Variants in COL19A1 observed in about 807,000 individuals in gnomAD.
The protein encoded by COL19A1 is collagen type XIX alpha 1 chain.
COL19A1 carries 159 observed loss-of-function variants against 190.2 expected under a neutral mutation model. That is an observed-to-expected ratio of 0.84 (90% CI 0.73 to 0.95). The LOEUF (loss-of-function observed/expected upper bound fraction) is 0.95, where lower values mean the gene tolerates loss of function less well. Among genes scored for constraint, COL19A1 ranks in the 40% least tolerant of loss-of-function variants. The pLI, the probability that COL19A1 is intolerant of heterozygous loss-of-function variation, is 0.00. For synonymous variants in COL19A1, 509 were observed against 458.9 expected, an observed-to-expected ratio of 1.11 and a Z score of -1.39; for missense variants, 1,418 against 1,431.9, an observed-to-expected ratio of 0.99 and a Z score of 0.16.
At chr6:70,119,198 C>T (rs1318100933) in intron 16 of COL19A1, among the ~76,000 whole-genome samples, 2 of 152,132 alleles carry the variant, frequency 1.3e-5, no homozygotes, top group Non-Finnish European at 2.9e-5. Flanking sequence ...CCTCTACAAA[C>T]AAAGATAGGA....
intron 9 of COL19A1, among the ~76,000 whole-genome samples, chr6:69,946,733 G>A (rs1363897511): frequency 4.6e-5 from 7 of 151,806 alleles, no homozygotes; most frequent in Admixed American, 3.3e-4. Context: ...TAATAAAGGT[G>A]AATTTGGTGC....
At chr6:69,900,369 A>G in intron 4 of COL19A1, 31 bp downstream of exon 4, 1 of 1,093,372 alleles carries the variant, frequency 9.1e-7, no homozygotes, top group Non-Finnish European at 1.3e-6. Context: ...TTTATGTTTA[A>G]TAATACTTCA....
chr6:69,995,243 A>G (rs1319040498), intron 11 of COL19A1, among the ~76,000 whole-genome samples: 3 of 152,138 alleles, frequency 2.0e-5, no homozygotes, highest in African/African-American at 7.2e-5. Context: ...TATAGAAGTT[A>G]TGGCAACAGT....
intron 11 of COL19A1, among the ~76,000 whole-genome samples, chr6:69,966,265 G>C (rs1296121660): frequency 5.9e-5 from 9 of 152,178 alleles, no homozygotes. Flanking sequence ...CCCCGTCTGG[G>C]AGGTGTACCC....
intron 34 of COL19A1, among the ~76,000 whole-genome samples, chr6:70,159,756 T>C (rs1372064097): frequency 6.6e-6 from 1 of 152,102 alleles, no homozygotes; most frequent in African/African-American, 2.4e-5. Context: ...TCATCTAATA[T>C]TTATAAAGTA....
chr6:69,874,834 G>A (rs1171879905), intron 1 of COL19A1, among the ~76,000 whole-genome samples: 2 of 152,066 alleles, frequency 1.3e-5, no homozygotes, highest in Non-Finnish European at 2.9e-5. Context: ...ATCTTGTAAT[G>A]CCTTAAGAAT....
At chr6:69,911,929 T>C (rs1388352442) in intron 4 of COL19A1, among the ~76,000 whole-genome samples, 1 of 152,240 alleles carries the variant, frequency 6.6e-6, no homozygotes, top group Non-Finnish European at 1.5e-5. Context: ...ACAATGTTAC[T>C]GTCCACTTTT....
chr6:70,082,074 A>T (rs1782290798), intron 15 of COL19A1, among the ~76,000 whole-genome samples: 1 of 152,202 alleles, frequency 6.6e-6, no homozygotes, highest in Non-Finnish European at 1.5e-5. Context: ...CAAATATTTA[A>T]CAAGTTTGAT....
chr6:70,078,386 C>T (rs552779485), intron 15 of COL19A1, among the ~76,000 whole-genome samples: 5 of 152,282 alleles, frequency 3.3e-5, no homozygotes, highest in African/African-American at 1.2e-4. Flanking sequence ...GGGAAGCAGA[C>T]AAGAGAAGAG....
intron 4 of COL19A1, among the ~76,000 whole-genome samples, chr6:69,902,097 G>A (rs149247385): frequency 1.3e-4 from 20 of 152,266 alleles, no homozygotes; most frequent in Admixed American, 5.2e-4. Flanking sequence ...ATAGGAAACC[G>A]GGGGTATCTG....
intron 49 of COL19A1, among the ~76,000 whole-genome samples, chr6:70,206,410 C>T (rs1299267724): frequency 6.6e-6 from 1 of 152,106 alleles, no homozygotes; most frequent in African/African-American, 2.4e-5. Context: ...GGGCAGATCA[C>T]CTGAGGTCAG....
intron 14 of COL19A1, among the ~76,000 whole-genome samples, chr6:70,058,941 G>A (rs927116975): frequency 6.6e-6 from 1 of 151,954 alleles, no homozygotes; most frequent in Non-Finnish European, 1.5e-5. Flanking sequence ...ATTTTCAAGA[G>A]AAGAAAGTGC....
At chr6:69,913,637 TGTG>T (rs1308828938) in intron 4 of COL19A1, among the ~76,000 whole-genome samples, 3 of 152,172 alleles carry the variant, frequency 2.0e-5, no homozygotes, top group African/African-American at 7.2e-5. Context: ...AGAAATCCCA[TGTG>T]GTTAATGAAC....
At chr6:70,172,109 G>C (rs560487867) in intron 41 of COL19A1, 92 bp downstream of exon 41, 1 of 1,125,598 alleles carries the variant, frequency 8.9e-7, no homozygotes, top group African/African-American at 1.6e-5. Context: ...TTAGGTTAGG[G>C]ATATATAAAG....
intron 42 of COL19A1, among the ~76,000 whole-genome samples, chr6:70,178,249 C>T (rs1400351581): frequency 2.0e-5 from 3 of 151,980 alleles, no homozygotes; most frequent in Admixed American, 6.6e-5. Flanking sequence ...ATTAGCTGGG[C>T]ACCTTTAGTC....
intron 4 of COL19A1, among the ~76,000 whole-genome samples, chr6:69,926,803 T>A (rs769005579): frequency 6.6e-6 from 1 of 152,070 alleles, no homozygotes; most frequent in South Asian, 2.1e-4. Context: ...CTGAAAGAGA[T>A]CCACACTTAG....
At chr6:70,133,040 C>T (rs573383180) in intron 18 of COL19A1, among the ~76,000 whole-genome samples, 47 of 152,312 alleles carry the variant, frequency 3.1e-4, no homozygotes, top group African/African-American at 1.1e-3. Context: ...TTTCCTTCCT[C>T]TCATGAGGTC....
At chr6:70,149,683 T>C in intron 27 of COL19A1, 21 bp from the exon 28 acceptor site, 1 of 1,611,692 alleles carries the variant, frequency 6.2e-7, no homozygotes, top group Non-Finnish European at 8.5e-7. Context: ...ATTTTAATAA[T>C]AAAATCTCAT....
intron 7 of COL19A1, among the ~76,000 whole-genome samples, chr6:69,933,147 A>G (rs1197105199): frequency 6.6e-6 from 1 of 152,112 alleles, no homozygotes; most frequent in Non-Finnish European, 1.5e-5. Flanking sequence ...TGACAGCAGC[A>G]TCATTTCCAG....
Sources: gnomAD v4.1 joint callset for allele counts (sites outside exome capture counted in the v4.1 genomes callset) on GRCh38, gnomAD v4.1.1 for gene constraint, MANE v1.5 for transcripts, NCBI Gene and HGNC (gene_info 2026-07-23, HGNC 2026-07-21) for gene names.